The following IPMK variants were observed in gnomAD, a reference collection of about 807,000 sequenced individuals.
IPMK encodes inositol polyphosphate multikinase.
A neutral mutation model predicts 45.8 loss-of-function variants in IPMK; 17 were observed. The observed-to-expected ratio is 0.37, with a 90% CI of 0.25 to 0.56. IPMK has a LOEUF of 0.56. Among genes scored for constraint, IPMK ranks in the 20% least tolerant of loss-of-function variants. The pLI, the probability that IPMK is intolerant of heterozygous loss-of-function variation, is 0.79. For missense variants in IPMK, 399 were observed against 498.0 expected, an observed-to-expected ratio of 0.80 and a Z score of 1.89; for synonymous variants, 180 against 184.3, an observed-to-expected ratio of 0.98 and a Z score of 0.19.
chr10:58,239,880 A>C (rs1034166303), intron 1 of IPMK, among the ~76,000 whole-genome samples: 1 of 152,194 alleles, frequency 6.6e-6, no homozygotes, highest in African/African-American at 2.4e-5. Flanking sequence ...CACTAGCTCA[A>C]CTAAACTCAG....
rs1357412589 is a variant in IPMK, at chr10:58,229,519, C to T, written c.277-2380G>A. ...TGGAGGTTGCAGTGAGCAGAGACTG[C>T]GCCACTGCACTCCAGCCTGGGCAAC... is the stretch of plus-strand genomic sequence containing the variant. On this transcript the variant is annotated intron_variant, in intron 2 of 5. Transcript: ENST00000373935. Among the ~76,000 whole-genome samples the T allele has an allele frequency of 9.3e-5, 13 of 139,076 alleles. No homozygotes were observed. In the South Asian group the frequency reaches 1.4e-3, roughly 14 times the overall value. 91.2% of individuals were successfully genotyped at this position (139,076 alleles called of 152,430 possible).
chr10:58,237,106 C>T (rs1373758865), intron 2 of IPMK, among the ~76,000 whole-genome samples: 1 of 152,030 alleles, frequency 6.6e-6, no homozygotes, highest in Admixed American at 6.6e-5. Context: ...AGAAAAGATG[C>T]TATGTATCGT....
chr10:58,267,652 A>G lies in IPMK; in HGVS notation c.-41T>C, dbSNP rs746897883. ...CGGTAACGGCAGCGAGAGTAGGAAA[A>G]AAAATAGGGCGAGGGAGGGGGCGCC... On this transcript the variant is annotated 5_prime_UTR_variant, in exon 1 of 6. Coordinates refer to ENST00000373935, the MANE Select transcript of IPMK (RefSeq NM_152230.5). The G allele has an allele frequency of 5.0e-6, 7 of 1,394,236 alleles. No homozygotes were observed. In the South Asian group the frequency reaches 8.6e-5, roughly 17 times the overall value. The allele number at this position is 1,394,236 out of a possible 1,614,324, so 86.4% of individuals were successfully genotyped here.
chr10:58,212,574 T>C (rs1838181264), intron 4 of IPMK: 2 of 228,762 alleles, frequency 8.7e-6, no homozygotes, highest in South Asian at 1.7e-4. Context: ...AAGAAAATCA[T>C]TTATGGGATC....
intron 4 of IPMK, among the ~76,000 whole-genome samples, chr10:58,208,386 G>A (rs897288760): frequency 3.9e-5 from 6 of 152,196 alleles, no homozygotes; most frequent in Admixed American, 6.5e-5. Context: ...TGATCTTTTC[G>A]GGGTGTTATA....
chr10:58,225,066 T>C (rs1291277510), intron 3 of IPMK, among the ~76,000 whole-genome samples: 3 of 152,202 alleles, frequency 2.0e-5, no homozygotes, highest in African/African-American at 7.2e-5. Context: ...AGGCAACTGT[T>C]GGTACTACTG....
At chr10:58,209,595 G>A (rs951325263) in intron 4 of IPMK, among the ~76,000 whole-genome samples, 3 of 152,212 alleles carry the variant, frequency 2.0e-5, no homozygotes, top group Admixed American at 2.0e-4. Flanking sequence ...CCTGTGATGC[G>A]ATCAGTCTTC....
chr10:58,219,173 G>C (rs1199893154), intron 3 of IPMK, among the ~76,000 whole-genome samples: 1 of 152,118 alleles, frequency 6.6e-6, no homozygotes, highest in East Asian at 1.9e-4. Flanking sequence ...GAGTGGTTTG[G>C]TGTTTTCTTT....
At position 58,260,291 on chromosome 10, in the gene IPMK, C is replaced by T. The variant is rs544141383; in HGVS notation, c.190+7131G>A. Among the ~76,000 whole-genome samples, 172 of 152,218 alleles carry T rather than the reference C, an allele frequency of 1.1e-3. 1 individual carries two copies. Among genetic ancestry groups the T allele is most frequent in the African/African-American group, 3.9e-3 (164 of 41,536 alleles). ...TACAGAAAGAAGAAAGAAGTGCTCCCGATAACAGGAAACTAAAGAATCGTA... is the reference window on the plus strand; with the variant it reads ...TACAGAAAGAAGAAAGAAGTGCTCCTGATAACAGGAAACTAAAGAATCGTA... On this transcript the variant is annotated intron_variant, in intron 1 of 5. Coordinates refer to ENST00000373935, the MANE Select transcript of IPMK (RefSeq NM_152230.5).
chr10:58,223,982 T>C (rs1055228841), intron 3 of IPMK, among the ~76,000 whole-genome samples: 3 of 152,180 alleles, frequency 2.0e-5, no homozygotes, highest in African/African-American at 7.2e-5. Context: ...TTATAAATTA[T>C]CCAGTCTCAG....
intron 1 of IPMK, among the ~76,000 whole-genome samples, chr10:58,267,217 C>CG (rs2132271775): frequency 6.6e-6 from 1 of 152,308 alleles, no homozygotes; most frequent in South Asian, 2.1e-4. Context: ...GCAAGCCTGA[C>CG]GACCCACACC....
chr10:58,213,696 AG>A (rs1838202078), intron 4 of IPMK, among the ~76,000 whole-genome samples: 1 of 144,134 alleles, frequency 6.9e-6, no homozygotes, highest in Admixed American at 6.7e-5. Context: ...AAAAAAAAAA[AG>A]AAAAAAAAAA....
intron 2 of IPMK, among the ~76,000 whole-genome samples, chr10:58,231,889 G>A (rs1363044428): frequency 1.3e-5 from 2 of 152,162 alleles, no homozygotes; most frequent in Non-Finnish European, 2.9e-5. Flanking sequence ...TGGCAAATTG[G>A]ATAAAGAATC....
intron 1 of IPMK, among the ~76,000 whole-genome samples, chr10:58,241,488 G>A (rs1158959846): frequency 2.0e-5 from 3 of 152,136 alleles, no homozygotes; most frequent in African/African-American, 4.8e-5. Context: ...AACAAAAGAC[G>A]ACACTAGCAG....
At chr10:58,220,435 T>C (rs1052140241) in intron 3 of IPMK, among the ~76,000 whole-genome samples, 5 of 152,146 alleles carry the variant, frequency 3.3e-5, no homozygotes, top group South Asian at 2.1e-4. Flanking sequence ...TTAACTGAGA[T>C]GATAAAGTTT....
chr10:58,258,767 G>A (rs973521734), intron 1 of IPMK, among the ~76,000 whole-genome samples: 1 of 151,866 alleles, frequency 6.6e-6, no homozygotes, highest in Non-Finnish European at 1.5e-5. Context: ...GCTTGTATGA[G>A]AAGAAAAAGG....
chr10:58,255,423 G>T (rs1490915154), intron 1 of IPMK, among the ~76,000 whole-genome samples: 1 of 152,154 alleles, frequency 6.6e-6, no homozygotes, highest in Non-Finnish European at 1.5e-5. Flanking sequence ...TGCCAGTTTG[G>T]GGGAGGGGGT....
At chr10:58,200,266 G>A (rs957366260) in intron 4 of IPMK, among the ~76,000 whole-genome samples, 8 of 151,936 alleles carry the variant, frequency 5.3e-5, no homozygotes, top group African/African-American at 1.7e-4. Context: ...TTACAGGTGC[G>A]TGACAATACA....
At chr10:58,258,671 A>T (rs1049298489) in intron 1 of IPMK, among the ~76,000 whole-genome samples, 1 of 152,204 alleles carries the variant, frequency 6.6e-6, no homozygotes, top group African/African-American at 2.4e-5. Context: ...AATATAAATT[A>T]TAATAAAAAC....
Sources: allele counts gnomAD v4.1 joint callset (sites outside exome capture counted in the v4.1 genomes callset), GRCh38; gene constraint gnomAD v4.1.1; transcripts MANE v1.5; gene names NCBI Gene and HGNC (gene_info 2026-07-23, HGNC 2026-07-21).